The following FGD3 variants were observed in gnomAD, a reference collection of about 807,000 sequenced individuals.
FGD3 encodes FYVE, RhoGEF and PH domain-containing protein 3.
In FGD3, 45 loss-of-function variants were observed where a neutral mutation model predicts 71.8. The observed-to-expected ratio is 0.63, with a 90% CI of 0.49 to 0.80. The LOEUF (loss-of-function observed/expected upper bound fraction) is 0.80. Among genes scored for constraint, FGD3 ranks in the 30% least tolerant of loss-of-function variants. FGD3 has a pLI of 0.00. For missense variants in FGD3, 844 were observed against 951.5 expected (o/e 0.89, Z 1.49); for synonymous variants, 378 against 392.8 (o/e 0.96, Z 0.44).
At position 93,034,547 on chromosome 9, in the gene FGD3, C is replaced by T. The variant is rs749569150; in HGVS notation, c.1792C>T (p.Pro598Ser). The change falls in exon 17 of 18, where the codon CCC (proline) becomes TCC (serine). Residue 598 changes from proline (P) to serine (S), a missense_variant. Pro to Ser is a moderately conservative substitution (Grantham distance 74, BLOSUM62 -1). Coordinates refer to ENST00000375482, the MANE Select transcript of FGD3 (RefSeq NM_001083536.2). ...TGTGTCTTTGTGTCCCCAGAAGACA[C>T]CCACTGCAGACCCCCAGCCCAGCCT... is the stretch of plus-strand genomic sequence containing the variant. ...PVAPESTEKT[P>S]TADPQPSLLC... The T allele has an allele frequency of 1.2e-5, 19 of 1,610,780 alleles. No individual in the cohort carries two copies. The Admixed American group carries it at 2.2e-4, about 18-fold the overall frequency.
chr9:92,951,288 T>C (rs767200263), intron 1 of FGD3, among the ~76,000 whole-genome samples: 12 of 152,224 alleles, frequency 7.9e-5, no homozygotes, highest in Non-Finnish European at 1.6e-4. Flanking sequence ...TCTGGGTAAA[T>C]TACTTTGCTT....
chr9:92,991,246 T>G (rs1235547527), intron 3 of FGD3, among the ~76,000 whole-genome samples: 2 of 152,076 alleles, frequency 1.3e-5, no homozygotes, highest in Non-Finnish European at 1.5e-5. Flanking sequence ...ACCCAGCTAA[T>G]TTTTATATTT....
At chr9:93,007,062 G>T (rs1861089237) in intron 6 of FGD3, among the ~76,000 whole-genome samples, 1 of 148,168 alleles carries the variant, frequency 6.7e-6, no homozygotes, top group African/African-American at 2.5e-5. Flanking sequence ...TTGCCATACA[G>T]AATTTTTTAT....
chr9:93,015,687 G>A, intron 9 of FGD3, 50 bp from the exon 10 acceptor site: 3 of 1,505,426 alleles, frequency 2.0e-6, no homozygotes, highest in Non-Finnish European at 2.8e-6. Flanking sequence ...GGGCCCCTGG[G>A]GGGACCTGCG....
intron 1 of FGD3, among the ~76,000 whole-genome samples, chr9:92,950,012 TC>T (rs1412669213): frequency 6.7e-6 from 1 of 148,526 alleles, no homozygotes. Flanking sequence ...CTCCCTTCCT[TC>T]CCCCCTCCCT....
At chr9:93,008,706 C>G (rs1861170695) in intron 6 of FGD3, among the ~76,000 whole-genome samples, 1 of 152,172 alleles carries the variant, frequency 6.6e-6, no homozygotes, top group Non-Finnish European at 1.5e-5. Flanking sequence ...GCTCACGCCT[C>G]TAATCCCAGC....
At chr9:93,005,668 T>TAA (rs1861022448) in intron 5 of FGD3, among the ~76,000 whole-genome samples, 1 of 152,278 alleles carries the variant, frequency 6.6e-6, no homozygotes, top group Non-Finnish European at 1.5e-5. Context: ...GTTTCTAATC[T>TAA]TTGCCCATTT....
Position 93,035,869 on chromosome 9 carries a change from G to A in FGD3, c.*280G>A. ...GCCAAAGTAACCATCATCCATATGG[G>A]CCGTGTGGTGATGCTGGCCCGGAAG... is the stretch of plus-strand genomic sequence containing the variant. On this transcript the variant is annotated 3_prime_UTR_variant, in exon 18 of 18. Transcript: ENST00000375482. 4.7e-6 allele frequency: 2 copies of A among 426,242 alleles called. No individual in the cohort carries two copies. Among genetic ancestry groups the A allele is most frequent in the Non-Finnish European group, 8.3e-6 (2 of 240,404 alleles). 26.4% of individuals were successfully genotyped at this position (426,242 alleles called of 1,614,324 possible). A position where few individuals can be genotyped will look rare whatever the true frequency, so the allele number is the denominator to read the frequency against.
At chr9:93,025,072 G>T (rs1364538252) in intron 14 of FGD3, among the ~76,000 whole-genome samples, 3 of 152,342 alleles carry the variant, frequency 2.0e-5, no homozygotes, top group Non-Finnish European at 2.9e-5. Context: ...TCAGTGTCCG[G>T]GCATCTGCTG....
chr9:92,989,028 T>C (rs1010250981), intron 3 of FGD3, among the ~76,000 whole-genome samples: 3 of 152,140 alleles, frequency 2.0e-5, no homozygotes, highest in African/African-American at 7.2e-5. Context: ...CTCTTCAATT[T>C]CTTTCATCAG....
At position 93,013,945 on chromosome 9, in the gene FGD3, A is replaced by G. The variant is rs931163093; in HGVS notation, c.1129A>G (p.Ile377Val). ...PANELIKEGQIQKLSAKNGTP... is the reference protein window; with the variant it reads ...PANELIKEGQVQKLSAKNGTP... Reference sequence around the variant, plus strand: ...CAATGAACTGATCAAGGAGGGCCAAATCCAGAAACTGTCAGCCAAGAACGG... The same window carrying G: ...CAATGAACTGATCAAGGAGGGCCAAGTCCAGAAACTGTCAGCCAAGAACGG... Residue 377 changes from isoleucine to valine, a missense_variant, in exon 9 of 18, where the codon ATC becomes GTC. Ile to Val is a conservative substitution (Grantham distance 29). Coordinates refer to ENST00000375482, the MANE Select transcript of FGD3 (RefSeq NM_001083536.2). 6.2e-7 allele frequency: 1 copy of G among 1,611,426 alleles called. No individual in the cohort carries two copies. The highest frequency in any genetic ancestry group is 8.5e-7 in the Non-Finnish European group (1 of 1,178,976).
chr9:93,001,623 A>G (rs1188390526), intron 3 of FGD3, among the ~76,000 whole-genome samples: 2 of 152,158 alleles, frequency 1.3e-5, no homozygotes, highest in Non-Finnish European at 2.9e-5. Flanking sequence ...GACTGCTTCC[A>G]TTATTTTGAC....
chr9:92,963,079 C>T (rs1859203507), intron 1 of FGD3, among the ~76,000 whole-genome samples: 1 of 152,152 alleles, frequency 6.6e-6, no homozygotes, highest in Non-Finnish European at 1.5e-5. Flanking sequence ...CTCACACAGG[C>T]AGGGAACTTA....
chr9:93,023,882 A>G (rs1270889286), intron 14 of FGD3, among the ~76,000 whole-genome samples: 1 of 143,592 alleles, frequency 7.0e-6, no homozygotes, highest in Non-Finnish European at 1.5e-5. Flanking sequence ...GCTCACTGCA[A>G]CCTCCACTTC....
chr9:92,954,999 G>T (rs531391186), intron 1 of FGD3, among the ~76,000 whole-genome samples: 1 of 152,196 alleles, frequency 6.6e-6, no homozygotes, highest in African/African-American at 2.4e-5. Context: ...CTATGTGTCC[G>T]AGAGCCAGCT....
intron 3 of FGD3, among the ~76,000 whole-genome samples, chr9:92,981,120 G>A (rs1412438456): frequency 6.6e-6 from 1 of 152,098 alleles, no homozygotes; most frequent in Non-Finnish European, 1.5e-5. Context: ...TGTAATCCCA[G>A]CACTTTGGGA....
intron 15 of FGD3, among the ~76,000 whole-genome samples, chr9:93,030,988 T>G (rs1308426660): frequency 2.6e-5 from 4 of 151,806 alleles, no homozygotes; most frequent in African/African-American, 9.7e-5. Context: ...GACGAATAGT[T>G]GGATGGCATA....
intron 15 of FGD3, among the ~76,000 whole-genome samples, chr9:93,030,719 AGG>A (rs113582020): frequency 1.5e-4 from 1 of 6,640 alleles, no homozygotes; most frequent in Non-Finnish European, 3.0e-4. Context: ...GGGGGGCAGC[AGG>A]GGGGGGGGAA....
chr9:93,024,842 C>A (rs1462523819), intron 14 of FGD3, among the ~76,000 whole-genome samples: 6 of 152,362 alleles, frequency 3.9e-5, no homozygotes, highest in African/African-American at 1.4e-4. Flanking sequence ...CTGGAAGAAC[C>A]TGCAAGGCCA....
Sources: allele counts gnomAD v4.1 joint callset (sites outside exome capture counted in the v4.1 genomes callset), GRCh38; gene constraint gnomAD v4.1.1; transcripts MANE v1.5; gene names NCBI Gene and HGNC (gene_info 2026-07-23, HGNC 2026-07-21).